The following BMPR1B variants were observed in gnomAD, a reference collection of about 807,000 sequenced individuals.
BMPR1B encodes the protein bone morphogenetic protein receptor type-1B.
A neutral mutation model predicts 59.1 loss-of-function variants in BMPR1B; 12 were observed. The observed-to-expected ratio is 0.20, with a 90% CI of 0.13 to 0.33. The LOEUF (loss-of-function observed/expected upper bound fraction) is 0.33. Among genes scored for constraint, BMPR1B ranks in the 10% least tolerant of loss-of-function variants. The probability of loss-of-function intolerance (pLI) is 1.00; values close to 1 mark genes in which losing one functional copy is unlikely to be tolerated. For missense variants in BMPR1B, 550 were observed against 610.9 expected (o/e 0.90, Z 1.05); for synonymous variants, 237 against 207.3 (o/e 1.14, Z -1.23).
chr4:94,837,933 A>T (rs1724889465), intron 1 of BMPR1B, among the ~76,000 whole-genome samples: 1 of 130,038 alleles, frequency 7.7e-6, no homozygotes, highest in African/African-American at 3.1e-5. Flanking sequence ...AATATGTCCC[A>T]TCAATACCTA....
At chr4:95,138,615 C>CT (rs1229544958) in intron 10 of BMPR1B, among the ~76,000 whole-genome samples, 1 of 152,140 alleles carries the variant, frequency 6.6e-6, no homozygotes, top group African/African-American at 2.4e-5. Flanking sequence ...ACTTTTTACT[C>CT]TTTTTTCTCT....
chr4:95,029,083 T>TATTTA (rs1553928884), intron 3 of BMPR1B, among the ~76,000 whole-genome samples: 3 of 140,782 alleles, frequency 2.1e-5, no homozygotes, highest in Non-Finnish European at 3.1e-5. Flanking sequence ...TTTATTTATT[T>TATTTA]TTTATTTCTT....
chr4:94,983,001 A>C (rs1721190923), intron 2 of BMPR1B, among the ~76,000 whole-genome samples: 2 of 151,826 alleles, frequency 1.3e-5, no homozygotes, highest in African/African-American at 4.8e-5. Flanking sequence ...GAAAAAAAAA[A>C]ACAAACGAAA....
chr4:95,045,945 A>T (rs1255722533), intron 3 of BMPR1B, among the ~76,000 whole-genome samples: 1 of 152,220 alleles, frequency 6.6e-6, no homozygotes, highest in Non-Finnish European at 1.5e-5. Flanking sequence ...TGAATCACAA[A>T]TTGAAATTGG....
chr4:94,871,743 T>C (rs908242008), intron 1 of BMPR1B, among the ~76,000 whole-genome samples: 1 of 152,194 alleles, frequency 6.6e-6, no homozygotes, highest in African/African-American at 2.4e-5. Context: ...GTAAGGATAC[T>C]GAATAGTCAA....
At chr4:94,804,349 A>G (rs1347524504) in intron 1 of BMPR1B, among the ~76,000 whole-genome samples, 1 of 152,204 alleles carries the variant, frequency 6.6e-6, no homozygotes, top group African/African-American at 2.4e-5. Context: ...ATCACAACAA[A>G]TACTTGTTTA....
chr4:94,905,913 T>A (rs1728020748), intron 2 of BMPR1B, among the ~76,000 whole-genome samples: 1 of 142,368 alleles, frequency 7.0e-6, no homozygotes, highest in Non-Finnish European at 1.5e-5. Context: ...TTTTGTTTAT[T>A]CTTTTTTTTT....
intron 1 of BMPR1B, among the ~76,000 whole-genome samples, chr4:94,779,186 A>AT (rs1321178315): frequency 3.3e-5 from 5 of 151,954 alleles, no homozygotes; most frequent in Non-Finnish European, 2.9e-5. Flanking sequence ...GTCCAATTCT[A>AT]TTTTTTTCCA....
chr4:94,831,897 G>A (rs7663374), intron 1 of BMPR1B, among the ~76,000 whole-genome samples: 93,117 of 151,978 alleles, frequency 0.61, 29,537 homozygotes, highest in African/African-American at 0.78. Flanking sequence ...TGAGGGATCT[G>A]GGTTGTGAGC....
chr4:94,975,147 G>T (rs1730970619), intron 2 of BMPR1B, among the ~76,000 whole-genome samples: 1 of 152,092 alleles, frequency 6.6e-6, no homozygotes. Flanking sequence ...TGGTGGAGCA[G>T]GTGAGTAGGA....
At chr4:94,888,768 A>T (rs1450032084) in intron 2 of BMPR1B, among the ~76,000 whole-genome samples, 2 of 152,108 alleles carry the variant, frequency 1.3e-5, no homozygotes, top group African/African-American at 4.8e-5. Context: ...AATTGCAGAT[A>T]TTTTGTTGTA....
intron 1 of BMPR1B, among the ~76,000 whole-genome samples, chr4:94,827,375 AAT>A (rs1357021495): frequency 1.3e-5 from 2 of 152,136 alleles, no homozygotes; most frequent in African/African-American, 2.4e-5. Flanking sequence ...CTGTTTCTCA[AAT>A]ATGTTTCTCA....
chr4:94,943,979 G>C (rs1729612847), intron 2 of BMPR1B, among the ~76,000 whole-genome samples: 1 of 152,064 alleles, frequency 6.6e-6, no homozygotes, highest in Non-Finnish European at 1.5e-5. Context: ...TAACCCTTTT[G>C]AGTACCGACA....
intron 3 of BMPR1B, among the ~76,000 whole-genome samples, chr4:95,075,159 A>G (rs1728608955): frequency 6.6e-6 from 1 of 152,184 alleles, no homozygotes; most frequent in Non-Finnish European, 1.5e-5. Flanking sequence ...CTCAAACCTT[A>G]TCTTTAAGAC....
chr4:94,903,294 GTTTAGT>G (rs1423402735), intron 2 of BMPR1B, among the ~76,000 whole-genome samples: 1 of 151,832 alleles, frequency 6.6e-6, no homozygotes, highest in Admixed American at 6.6e-5. Context: ...GTCCCAGTTA[GTTTAGT>G]TAAGTTTAGT....
chr4:95,030,805 A>C (rs1016911944), intron 3 of BMPR1B, among the ~76,000 whole-genome samples: 5 of 152,188 alleles, frequency 3.3e-5, no homozygotes, highest in African/African-American at 9.7e-5. Flanking sequence ...TAAGAATCCA[A>C]CTTAAAAGGG....
intron 2 of BMPR1B, among the ~76,000 whole-genome samples, chr4:94,902,158 G>A (rs1386823359): frequency 5.1e-5 from 7 of 138,406 alleles, no homozygotes; most frequent in Admixed American, 3.0e-4. Flanking sequence ...TTTATGCTGC[G>A]AATATAGCAG....
chr4:95,055,348 G>T (rs544318684), intron 3 of BMPR1B, among the ~76,000 whole-genome samples: 2 of 152,262 alleles, frequency 1.3e-5, no homozygotes, highest in East Asian at 3.9e-4. Context: ...AAACATGGCT[G>T]TGAATAGGTA....
At chr4:95,078,598 T>G (rs1449759393) in intron 3 of BMPR1B, among the ~76,000 whole-genome samples, 2 of 152,202 alleles carry the variant, frequency 1.3e-5, no homozygotes, top group Non-Finnish European at 2.9e-5. Context: ...CTAATTAGTC[T>G]AGCCCATGCA....
Sources: gnomAD v4.1 joint callset for allele counts (sites outside exome capture counted in the v4.1 genomes callset) on GRCh38, gnomAD v4.1.1 for gene constraint, MANE v1.5 for transcripts, NCBI Gene and HGNC (gene_info 2026-07-23, HGNC 2026-07-21) for gene names.